SNCAIP: variants seen among roughly 807,000 people sequenced by gnomAD.
SNCAIP encodes synphilin-1.
In SNCAIP, 43 loss-of-function variants were observed where a neutral mutation model predicts 86.7. The ratio of observed to expected loss-of-function variants is 0.50; its 90% CI spans 0.39 to 0.64. The LOEUF is 0.64. Among genes scored for constraint, SNCAIP ranks in the 30% least tolerant of loss-of-function variants. The pLI is 0.00. For synonymous variants in SNCAIP, 417 were observed against 427.2 expected (o/e 0.98, Z 0.29); for missense variants, 981 against 1,103.1 (o/e 0.89, Z 1.57).
At chr5:122,357,570 C>T (rs954888169) in intron 1 of SNCAIP, among the ~76,000 whole-genome samples, 5 of 151,578 alleles carry the variant, frequency 3.3e-5, no homozygotes, top group African/African-American at 7.3e-5. Flanking sequence ...CCTGACCCAC[C>T]GTATTTAAAA....
At chr5:122,390,077 C>T (rs1306568229) in intron 1 of SNCAIP, among the ~76,000 whole-genome samples, 2 of 152,098 alleles carry the variant, frequency 1.3e-5, no homozygotes, top group Admixed American at 1.3e-4. Flanking sequence ...CAGTAATGCA[C>T]TCCTTATTGT....
intron 2 of SNCAIP, among the ~76,000 whole-genome samples, chr5:122,397,295 A>G (rs183218939): frequency 1.2e-4 from 18 of 152,194 alleles, no homozygotes; most frequent in Admixed American, 3.3e-4. Context: ...TTCTCCATCC[A>G]TGTCCACTTC....
At chr5:122,338,012 A>G (rs980328410) in intron 1 of SNCAIP, among the ~76,000 whole-genome samples, 1 of 152,248 alleles carries the variant, frequency 6.6e-6, no homozygotes, top group African/African-American at 2.4e-5. Context: ...AAGGAGAGTC[A>G]TTGTAATATT....
chr5:122,332,583 T>C (rs942715831), intron 1 of SNCAIP, among the ~76,000 whole-genome samples: 1 of 152,228 alleles, frequency 6.6e-6, no homozygotes, highest in Non-Finnish European at 1.5e-5. Flanking sequence ...TTCCCTGAAT[T>C]ATATGACAAG....
At chr5:122,399,675 A>G (rs1248150842) in intron 2 of SNCAIP, among the ~76,000 whole-genome samples, 2 of 152,160 alleles carry the variant, frequency 1.3e-5, no homozygotes, top group African/African-American at 4.8e-5. Flanking sequence ...AGTGCCTAGT[A>G]TCTTGGGTAA....
intron 3 of SNCAIP, among the ~76,000 whole-genome samples, chr5:122,418,755 G>A (rs571383153): frequency 2.0e-5 from 3 of 152,194 alleles, no homozygotes; most frequent in Non-Finnish European, 4.4e-5. Context: ...GTTCCTGTGT[G>A]CCTCTTAGAT....
intron 8 of SNCAIP, among the ~76,000 whole-genome samples, chr5:122,447,897 A>AG: frequency 6.6e-6 from 1 of 152,330 alleles, no homozygotes; most frequent in African/African-American, 2.4e-5. Flanking sequence ...TTTAAGAAAA[A>AG]GTTTGCTTGC....
chr5:122,426,809 A>G (rs1581178501), intron 5 of SNCAIP, among the ~76,000 whole-genome samples: 2 of 152,162 alleles, frequency 1.3e-5, no homozygotes, highest in East Asian at 3.9e-4. Context: ...AAGATAAGTC[A>G]AATGTAAAGT....
intron 2 of SNCAIP, among the ~76,000 whole-genome samples, chr5:122,398,023 A>G (rs753238594): frequency 1.1e-4 from 17 of 152,150 alleles, no homozygotes; most frequent in Non-Finnish European, 2.1e-4. Flanking sequence ...TAAGCACAGT[A>G]TCTATTGAGT....
chr5:122,372,281 A>G (rs911759862), intron 1 of SNCAIP, among the ~76,000 whole-genome samples: 21 of 152,196 alleles, frequency 1.4e-4, no homozygotes, highest in African/African-American at 4.6e-4. Flanking sequence ...CGAAAAAGCT[A>G]TGATTTGCAA....
chr5:122,330,413 G>C (rs538742303), intron 1 of SNCAIP, among the ~76,000 whole-genome samples: 11 of 152,214 alleles, frequency 7.2e-5, no homozygotes, highest in African/African-American at 2.6e-4. Flanking sequence ...GAGCCACCGC[G>C]CCCGGCCTCA....
intron 8 of SNCAIP, 139 bp downstream of exon 8, chr5:122,444,871 T>C: frequency 1.3e-6 from 1 of 783,480 alleles, no homozygotes. Flanking sequence ...TGTTCTTCCA[T>C]CCAAAGTCCT....
chr5:122,414,518 C>A (rs933651013), intron 3 of SNCAIP, among the ~76,000 whole-genome samples: 6 of 152,158 alleles, frequency 3.9e-5, no homozygotes, highest in Non-Finnish European at 8.8e-5. Context: ...GCGTGAGCCA[C>A]CTTGCCCAGC....
At chr5:122,326,184 G>A (rs918360340) in intron 1 of SNCAIP, among the ~76,000 whole-genome samples, 2 of 152,152 alleles carry the variant, frequency 1.3e-5, no homozygotes, top group Admixed American at 6.5e-5. Context: ...CCTTAGGAAT[G>A]AATTTCTTGT....
chr5:122,394,101 G>T (rs12654510), intron 2 of SNCAIP, among the ~76,000 whole-genome samples: 19,489 of 145,620 alleles, frequency 0.13, 1,311 homozygotes, highest in South Asian at 0.25. Context: ...TTTTTTTTTT[G>T]ATACCAGAAA....
intron 1 of SNCAIP, among the ~76,000 whole-genome samples, chr5:122,340,664 T>C (rs1757384129): frequency 6.6e-6 from 1 of 152,212 alleles, no homozygotes; most frequent in African/African-American, 2.4e-5. Flanking sequence ...AGCATTGACA[T>C]TGCATACTAT....
In SNCAIP at chr5:122,396,152, T is replaced by G. The variant is rs7702201; in HGVS notation, c.57+4961T>G. Among the ~76,000 whole-genome samples the G allele has an allele frequency of 3.3e-5, 5 of 152,296 alleles. No individual in the cohort carries two copies. The East Asian group carries it at 9.6e-4, about 29-fold the overall frequency. ...GGCTAAATTGCCTCTCATTCTTCCC[T>G]TCTCCAGCTCAGCATCATCAGAAAC... On this transcript the variant is annotated intron_variant, in intron 2 of 10. Transcript: ENST00000261368.
intron 1 of SNCAIP, among the ~76,000 whole-genome samples, chr5:122,348,242 G>A: frequency 6.6e-6 from 1 of 151,940 alleles, no homozygotes. Context: ...TAGAAATAAA[G>A]TTTATTCTTT....
chr5:122,358,191 GTGTGTGTGTGTGTA>G (rs1283736697), intron 1 of SNCAIP, among the ~76,000 whole-genome samples: 2 of 95,454 alleles, frequency 2.1e-5, no homozygotes, highest in African/African-American at 8.2e-5. Context: ...GTGTGTGTGT[GTGTGTGTGTGTGTA>G]TATATATATA....
Sources: gnomAD v4.1 joint callset for allele counts (sites outside exome capture counted in the v4.1 genomes callset) on GRCh38, gnomAD v4.1.1 for gene constraint, MANE v1.5 for transcripts, NCBI Gene and HGNC (gene_info 2026-07-23, HGNC 2026-07-21) for gene names.